Variants in NBPF9 observed in about 807,000 individuals in gnomAD.
NBPF9 encodes the protein NBPF family member NBPF9.
In NBPF9, 91 loss-of-function variants were observed where a neutral mutation model predicts 97.8. That is an observed-to-expected ratio of 0.93 (90% CI 0.79 to 1.11). NBPF9 has a LOEUF of 1.11. Ranked by LOEUF, NBPF9 falls within the 50% of genes least tolerant of loss-of-function variation. The pLI, the probability that NBPF9 is intolerant of heterozygous loss-of-function variation, is 0.00. For synonymous variants in NBPF9, 334 were observed against 359.5 expected, an observed-to-expected ratio of 0.93 and a Z score of 0.80; for missense variants, 992 against 939.5, an observed-to-expected ratio of 1.06 and a Z score of -0.73.
intron 12 of NBPF9, among the ~76,000 whole-genome samples, chr1:149,074,724 A>C (rs2079701504): frequency 6.6e-6 from 1 of 151,338 alleles, no homozygotes; most frequent in African/African-American, 2.4e-5. Context: ...CTTCCTCTTT[A>C]GCAACAAGAC....
At chr1:149,055,715 T>A (rs2078166424) in exon 30 of NBPF9, 1 of 1,611,750 alleles carries the variant, frequency 6.2e-7, no homozygotes, top group East Asian at 2.2e-5. Flanking sequence ...ACCGTCAAAG[T>A]AAAAAACCTA....
chr1:149,052,888 A>G (rs1167436700), downstream of NBPF9, among the ~76,000 whole-genome samples: 2 of 122,796 alleles, frequency 1.6e-5, 1 homozygote, highest in Non-Finnish European at 3.4e-5. Context: ...GGGTCAAGTT[A>G]GAGACTCAAA....
chr1:149,055,767 T>A (rs782569802), exon 30 of NBPF9: 7 of 1,611,628 alleles, frequency 4.3e-6, no homozygotes, highest in Non-Finnish European at 5.9e-6. Context: ...GTTCCTCAAA[T>A]GAGTAAAACA....
intron 4 of NBPF9, among the ~76,000 whole-genome samples, chr1:149,091,624 AG>A (rs1373388306): frequency 6.7e-6 from 1 of 149,686 alleles, no homozygotes; most frequent in African/African-American, 2.4e-5. Context: ...CCAGAGGCAA[AG>A]ACCCACAGGA....
At chr1:149,078,844 T>C (rs1222545559) in intron 9 of NBPF9, among the ~76,000 whole-genome samples, 163 bp downstream of exon 9, 1 of 150,816 alleles carries the variant, frequency 6.6e-6, no homozygotes, top group Admixed American at 6.6e-5. Flanking sequence ...AACCCATGGG[T>C]TTCCCATCTC....
chr1:149,078,817 C>T lies in NBPF9; in HGVS notation c.493+190G>A, dbSNP rs2080135602. ...TCCATCAAGGGAGGAGGGACACTTG[C>T]AATACTGTGACCTCCAAACCCATGG... On this transcript the variant is annotated intron_variant, in intron 9 of 29. Coordinates refer to ENST00000584027, the Ensembl canonical transcript of NBPF9. 2.7e-5 allele frequency among the ~76,000 whole-genome samples: 4 copies of T among 149,482 alleles called. No individual in the cohort carries two copies. The South Asian group carries it at 8.6e-4, about 32-fold the overall frequency.
At chr1:149,101,713 A>T (rs1553663362) in intron 2 of NBPF9, among the ~76,000 whole-genome samples, 1 of 151,972 alleles carries the variant, frequency 6.6e-6, no homozygotes. Context: ...TTTTTAACTG[A>T]CAGGCATCAG....
At chr1:149,089,754 T>C (rs1231022833) in intron 5 of NBPF9, among the ~76,000 whole-genome samples, 2 of 152,308 alleles carry the variant, frequency 1.3e-5, no homozygotes, top group Non-Finnish European at 2.9e-5. Context: ...AACAGTTGTA[T>C]TATAAAGGGC....
intron 14 of NBPF9, 79 bp downstream of exon 14, chr1:149,072,639 T>A (rs587696994): frequency 5.9e-6 from 9 of 1,525,946 alleles, no homozygotes; most frequent in East Asian, 2.2e-5. Context: ...TTGATACAAC[T>A]GTCATTGTGA....
At chr1:149,068,556 C>T (rs1337276930) in intron 17 of NBPF9, among the ~76,000 whole-genome samples, 3 of 151,618 alleles carry the variant, frequency 2.0e-5, no homozygotes, top group Non-Finnish European at 2.9e-5. Context: ...GTAAAGGGAT[C>T]AATTCAACAG....
intron 21 of NBPF9, 85 bp from the exon 22 acceptor site, chr1:149,062,350 G>C (rs1391521166): frequency 1.6e-6 from 1 of 621,612 alleles, no homozygotes; most frequent in East Asian, 2.7e-5. Flanking sequence ...CTAACATAAG[G>C]AACTGTTTAA....
intron 3 of NBPF9, among the ~76,000 whole-genome samples, chr1:149,099,610 A>C (rs2082011049): frequency 6.6e-6 from 1 of 152,236 alleles, no homozygotes; most frequent in Non-Finnish European, 1.5e-5. Context: ...TCATAATAAC[A>C]ACAATGAATA....
intron 4 of NBPF9, among the ~76,000 whole-genome samples, chr1:149,094,219 C>G (rs1199422056): frequency 4.1e-5 from 6 of 146,990 alleles, no homozygotes; most frequent in Admixed American, 6.8e-5. Context: ...ATTTTAATAG[C>G]AGATTTTAAA....
At chr1:149,076,513 T>A (rs1177874118) in intron 11 of NBPF9, among the ~76,000 whole-genome samples, 2 of 149,608 alleles carry the variant, frequency 1.3e-5, no homozygotes, top group African/African-American at 4.9e-5. Flanking sequence ...TTATTTTTTT[T>A]TTTTTTTGAG....
At chr1:149,061,535 T>A in intron 22 of NBPF9, 152 bp from the exon 23 acceptor site, 1 of 426,182 alleles carries the variant, frequency 2.3e-6, no homozygotes, top group East Asian at 4.4e-5. Context: ...TGAAAGCTGG[T>A]CATGATATTC....
intron 4 of NBPF9, among the ~76,000 whole-genome samples, chr1:149,094,176 C>T (rs1410771671): frequency 1.3e-5 from 2 of 151,384 alleles, no homozygotes; most frequent in Non-Finnish European, 2.9e-5. Flanking sequence ...CTACTTAACT[C>T]CAAATATTAT....
At chr1:149,097,139 A>G (rs1352028337) in intron 4 of NBPF9, among the ~76,000 whole-genome samples, 12 of 151,354 alleles carry the variant, frequency 7.9e-5, no homozygotes, top group African/African-American at 2.7e-4. Context: ...GGAAAGAATA[A>G]AGAGAGAGAG....
intron 3 of NBPF9, among the ~76,000 whole-genome samples, chr1:149,100,586 G>T (rs1252979106): frequency 2.0e-5 from 3 of 151,870 alleles, no homozygotes; most frequent in Non-Finnish European, 2.9e-5. Flanking sequence ...AGAAGGAAAA[G>T]GATAGTCTTT....
intron 2 of NBPF9, among the ~76,000 whole-genome samples, 164 bp downstream of exon 2, chr1:149,102,561 TCTAG>T (rs1297242651): frequency 6.7e-6 from 1 of 148,592 alleles, no homozygotes; most frequent in East Asian, 2.0e-4. Flanking sequence ...CGAAAGCAGC[TCTAG>T]CAGCAAAAGA....
Sources: allele counts gnomAD v4.1 joint callset (sites outside exome capture counted in the v4.1 genomes callset), GRCh38; gene constraint gnomAD v4.1.1; transcripts MANE v1.5; gene names NCBI Gene and HGNC (gene_info 2026-07-23, HGNC 2026-07-21).